Variants in TNFSF15 observed in about 807,000 individuals in gnomAD.
TNFSF15 encodes tumor necrosis factor ligand superfamily member 15.
Under a neutral mutation model 26.4 loss-of-function variants are expected in TNFSF15, and 15 were observed. The ratio of observed to expected loss-of-function variants is 0.57; its 90% CI spans 0.38 to 0.87. TNFSF15 has a LOEUF of 0.87. Ranked by LOEUF, TNFSF15 falls within the 40% of genes least tolerant of loss-of-function variation. The probability of loss-of-function intolerance (pLI) is 0.00; values close to 1 mark genes in which losing one functional copy is unlikely to be tolerated. For synonymous variants in TNFSF15, 116 were observed against 115.0 expected (o/e 1.01, Z -0.06); for missense variants, 290 against 306.1 (o/e 0.95, Z 0.39).
In TNFSF15 at chr9:114,796,221, A is replaced by G. The variant is rs1829670709; in HGVS notation, c.211-2653T>C. Among the ~76,000 whole-genome samples the G allele has an allele frequency of 3.3e-5, 5 of 152,268 alleles. No homozygotes were observed. The South Asian group carries it at 1.0e-3, about 32-fold the overall frequency. On this transcript the variant is annotated intron_variant, in intron 1 of 3. Transcript: ENST00000374045. The stretch of plus-strand genomic sequence containing the variant: ...TGCTGCTCTCCTGGATTCTTTCATC[A>G]GCCCCTGGCAGGGTCTTTGTACTTC...
rs551999425 is a variant in TNFSF15 at position 114,784,684 on chromosome 9, T to A, written c.*5768A>T. On this transcript the variant is annotated 3_prime_UTR_variant, in exon 4 of 4. Coordinates refer to ENST00000374045, the MANE Select transcript of TNFSF15 (RefSeq NM_005118.4). ...TTCAATGCCAGTTTATTAAGTTACA[T>A]CTATTAAATATATTAACACATACAA... 1 of 152,234 alleles carries A rather than the reference T, an allele frequency of 6.6e-6. No homozygotes were observed. Among genetic ancestry groups the A allele is most frequent in the Non-Finnish European group, 1.5e-5 (1 of 68,044 alleles). 9.4% of individuals were successfully genotyped at this position (152,234 alleles called of 1,614,324 possible). A position where few individuals can be genotyped will look rare whatever the true frequency, so the allele number is the denominator to read the frequency against.
intron 1 of TNFSF15, among the ~76,000 whole-genome samples, chr9:114,795,008 C>A (rs987182677): frequency 1.1e-4 from 16 of 152,030 alleles, no homozygotes; most frequent in Non-Finnish European, 1.6e-4. Context: ...ATATATTATA[C>A]TGTACATTAC....
chr9:114,793,329 C>T (rs1829632370), intron 2 of TNFSF15, among the ~76,000 whole-genome samples, 197 bp downstream of exon 2: 1 of 152,140 alleles, frequency 6.6e-6, no homozygotes, highest in African/African-American at 2.4e-5. Flanking sequence ...GCCATCAGCT[C>T]CACAGGCCAT....
At chr9:114,803,204 A>G (rs1016712750) in intron 1 of TNFSF15, among the ~76,000 whole-genome samples, 1 of 151,678 alleles carries the variant, frequency 6.6e-6, no homozygotes, top group Non-Finnish European at 1.5e-5. Flanking sequence ...GAAATAGCCT[A>G]TTTCCTGAGG....
intron 1 of TNFSF15, among the ~76,000 whole-genome samples, chr9:114,804,584 C>T (rs937645265): frequency 1.1e-4 from 16 of 152,218 alleles, no homozygotes; most frequent in African/African-American, 9.7e-5. Context: ...ACCAACTGGG[C>T]GCTGCAGTTT....
At position 114,786,322 on chromosome 9, in the gene TNFSF15, A is replaced by G. The variant is rs1216729394; in HGVS notation, c.*4130T>C. On this transcript the variant is annotated 3_prime_UTR_variant, in exon 4 of 4. Coordinates refer to ENST00000374045, the MANE Select transcript of TNFSF15 (RefSeq NM_005118.4). ...AATATAAACAGTTCTGTCTTGCAGA[A>G]TTAATCCCCAATGTCACAATCATGG... The G allele has an allele frequency of 1.3e-5, 2 of 152,266 alleles. No individual in the cohort carries two copies. Among genetic ancestry groups the G allele is most frequent in the African/African-American group, 2.4e-5 (1 of 41,472 alleles). 9.4% of individuals were successfully genotyped at this position (152,266 alleles called of 1,614,324 possible).
intron 1 of TNFSF15, among the ~76,000 whole-genome samples, chr9:114,796,418 A>G (rs558431718): frequency 6.6e-6 from 1 of 152,236 alleles, no homozygotes; most frequent in Non-Finnish European, 1.5e-5. Flanking sequence ...AACTTATCCC[A>G]GTCTCGCTAT....
At position 114,789,282 on chromosome 9, in the gene TNFSF15, C is replaced by T. The variant is rs932438879; in HGVS notation, c.*1170G>A. 2 of 152,152 alleles carry T rather than the reference C, an allele frequency of 1.3e-5. No individual in the cohort carries two copies. Among genetic ancestry groups the T allele is most frequent in the Non-Finnish European group, 2.9e-5 (2 of 68,014 alleles). 9.4% of individuals were successfully genotyped at this position (152,152 alleles called of 1,614,324 possible). A position where few individuals can be genotyped will look rare whatever the true frequency, so the allele number is the denominator to read the frequency against. ...TGCCAGAAATCTGATGTAACAGTTT[C>T]AGATGATATTTTTTAAAGGCTTGGA... On this transcript the variant is annotated 3_prime_UTR_variant, in exon 4 of 4. Transcript: ENST00000374045.
chr9:114,798,048 T>A (rs1194812343), intron 1 of TNFSF15, among the ~76,000 whole-genome samples: 2 of 152,206 alleles, frequency 1.3e-5, no homozygotes, highest in Non-Finnish European at 2.9e-5. Flanking sequence ...CAGAGTTTTA[T>A]AATCCAAAAA....
chr9:114,785,857 T>C lies in TNFSF15; in HGVS notation c.*4595A>G, dbSNP rs1829492531. On this transcript the variant is annotated 3_prime_UTR_variant, in exon 4 of 4. Coordinates refer to ENST00000374045, the MANE Select transcript of TNFSF15 (RefSeq NM_005118.4). ...TAGAGAGGTTAGAAGAGTCCAGGATTATGGTTCAGGAAGACAGCTTCCTAG... is the reference window on the plus strand; with the variant it reads ...TAGAGAGGTTAGAAGAGTCCAGGATCATGGTTCAGGAAGACAGCTTCCTAG... 1 of 152,160 alleles carries C rather than the reference T, an allele frequency of 6.6e-6. No individual in the cohort carries two copies. Among genetic ancestry groups the C allele is most frequent in the South Asian group, 2.1e-4 (1 of 4,816 alleles). 9.4% of individuals were successfully genotyped at this position (152,160 alleles called of 1,614,324 possible).
chr9:114,793,297 C>T (rs945341942), intron 2 of TNFSF15, among the ~76,000 whole-genome samples: 3 of 152,132 alleles, frequency 2.0e-5, no homozygotes, highest in East Asian at 3.9e-4. Flanking sequence ...TAGTAGATTC[C>T]GGAGTTGGGG....
chr9:114,805,858 G>A lies in TNFSF15; in HGVS notation c.155C>T (p.Thr52Ile). 6.2e-7 allele frequency: 1 copy of A among 1,614,012 alleles called. No homozygotes were observed. The highest frequency in any genetic ancestry group is 1.7e-5 in the Admixed American group (1 of 60,030). The change falls in exon 1 of 4, where the codon ACA becomes ATA. Residue 52 changes from threonine to isoleucine, a missense_variant. Thr to Ile is a moderately conservative substitution (Grantham distance 89, BLOSUM62 -1). This residue lies in a region of TNFSF15 where 179 missense variants were observed against 165.9 expected (regional missense o/e 1.08). Coordinates refer to ENST00000374045, the MANE Select transcript of TNFSF15 (RefSeq NM_005118.4). ...VLLPFLAGLT[T>I]YLLVSQLRAQ... ...CCGGAGCTGGCTGACAAGCAGGTAT[G>A]TGGTGAGTCCTGCAAGGAAGGGGAG... is the stretch of plus-strand genomic sequence containing the variant.
In TNFSF15 at chr9:114,790,398, A is replaced by C; in HGVS notation, c.*54T>G. 6.7e-7 allele frequency: 1 copy of C among 1,496,946 alleles called. No individual in the cohort carries two copies. The highest frequency in any genetic ancestry group is 1.4e-5 in the African/African-American group (1 of 71,322). The allele number at this position is 1,496,946 out of a possible 1,614,324, so 92.7% of individuals were successfully genotyped here. ...TGGTTATAATTACATTTGAACAAAGAAAATTAGGAACTCGGTGGCAGAGGA... is the reference window on the plus strand; with the variant it reads ...TGGTTATAATTACATTTGAACAAAGCAAATTAGGAACTCGGTGGCAGAGGA... On this transcript the variant is annotated 3_prime_UTR_variant, in exon 4 of 4. Coordinates refer to ENST00000374045, the MANE Select transcript of TNFSF15 (RefSeq NM_005118.4).
chr9:114,803,679 G>A (rs1829777603), intron 1 of TNFSF15, among the ~76,000 whole-genome samples: 1 of 152,338 alleles, frequency 6.6e-6, no homozygotes, highest in South Asian at 2.1e-4. Context: ...ATTGGAGGCA[G>A]GGTGGGGGAT....
chr9:114,803,291 C>T (rs928289438), intron 1 of TNFSF15, among the ~76,000 whole-genome samples: 2 of 152,144 alleles, frequency 1.3e-5, no homozygotes, highest in Admixed American at 6.5e-5. Context: ...CATGTGCATG[C>T]GGCTCTCCCC....
intron 1 of TNFSF15, 68 bp downstream of exon 1, chr9:114,805,735 G>A: frequency 6.8e-7 from 1 of 1,475,024 alleles, no homozygotes; most frequent in Admixed American, 1.8e-5. Context: ...GTCCAGAGCT[G>A]AAATAGTTGC....
chr9:114,790,885 T>C lies in TNFSF15; in HGVS notation c.323A>G (p.Gln108Arg), dbSNP rs753019245. ...HLTVVRQTPT[Q>R]HFKNQFPALH... ...AGCTGGGAACTGATTTTTAAAGTGC[T>C]GTGTGGGAGTTTGTCTCACAACTGG... Residue 108 changes from glutamine to arginine, a missense_variant, in exon 4 of 4, where the codon CAG becomes CGG. Gln to Arg is a conservative substitution (Grantham distance 43). Around this residue, in one of 3 missense-constraint regions of TNFSF15, gnomAD observed 179 missense variants for 165.9 expected, o/e 1.08. Transcript: ENST00000374045. 1 of 1,614,160 alleles carries C rather than the reference T, an allele frequency of 6.2e-7. No homozygotes were observed. Among genetic ancestry groups the C allele is most frequent in the South Asian group, 1.1e-5 (1 of 91,068 alleles).
At chr9:114,795,243 A>G (rs889322207) in intron 1 of TNFSF15, among the ~76,000 whole-genome samples, 5 of 152,156 alleles carry the variant, frequency 3.3e-5, no homozygotes, top group Admixed American at 6.6e-5. Flanking sequence ...TATGATTTCG[A>G]CTCAACCCAA....
chr9:114,797,396 G>T (rs900977828), intron 1 of TNFSF15, among the ~76,000 whole-genome samples: 1 of 152,210 alleles, frequency 6.6e-6, no homozygotes, highest in Non-Finnish European at 1.5e-5. Context: ...CCAAGAGTCC[G>T]CAAGAAGGAC....
Sources: allele counts gnomAD v4.1 joint callset (sites outside exome capture counted in the v4.1 genomes callset), GRCh38; gene constraint gnomAD v4.1.1; regional missense constraint gnomAD v4.1.1; transcripts MANE v1.5; gene names NCBI Gene and HGNC (gene_info 2026-07-23, HGNC 2026-07-21).